Variants in LMOD1 observed in about 807,000 individuals in gnomAD.
LMOD1 encodes the protein leiomodin-1.
In LMOD1, 8 loss-of-function variants were observed where a neutral mutation model predicts 36.5. That is an observed-to-expected ratio of 0.22 (90% CI 0.13 to 0.40). The LOEUF is 0.40. Among genes scored for constraint, LMOD1 ranks in the 10% least tolerant of loss-of-function variants. LMOD1 has a pLI of 1.00. For synonymous variants in LMOD1, 284 were observed against 288.7 expected (o/e 0.98, Z 0.17); for missense variants, 630 against 751.1 (o/e 0.84, Z 1.88).
At chr1:201,938,643 A>T (rs1682061400) in intron 1 of LMOD1, among the ~76,000 whole-genome samples, 1 of 152,194 alleles carries the variant, frequency 6.6e-6, no homozygotes, top group Non-Finnish European at 1.5e-5. Context: ...TGCCAGTCTC[A>T]GGGACAGGGG....
At chr1:201,909,859 C>T (rs1558236569) in intron 1 of LMOD1, among the ~76,000 whole-genome samples, 1 of 152,204 alleles carries the variant, frequency 6.6e-6, no homozygotes, top group Non-Finnish European at 1.5e-5. Context: ...AAGCAGGATT[C>T]AAGTTCAGGT....
chr1:201,928,029 A>G (rs1411545382), intron 1 of LMOD1, among the ~76,000 whole-genome samples: 1 of 152,152 alleles, frequency 6.6e-6, no homozygotes, highest in African/African-American at 2.4e-5. Context: ...GTTTGTTATA[A>G]AAGGACAATT....
rs1054231978 is a variant in LMOD1 at position 201,897,705 on chromosome 1, A to C, written c.*667T>G. 3 of 152,802 alleles carry C rather than the reference A, an allele frequency of 2.0e-5. No individual in the cohort carries two copies. The highest frequency in any genetic ancestry group is 7.2e-5 in the African/African-American group (3 of 41,478). The allele number at this position is 152,802 out of a possible 1,614,324, so 9.5% of individuals were successfully genotyped here. A position where few individuals can be genotyped will look rare whatever the true frequency, so the allele number is the denominator to read the frequency against. On this transcript the variant is annotated 3_prime_UTR_variant, in exon 3 of 3. Coordinates refer to ENST00000367288, the MANE Select transcript of LMOD1 (RefSeq NM_012134.3). ...ACAGATACACAGCTATTCATACAGCAGCAGGTGGGTGTGAGGAAAATGTCT... is the reference window on the plus strand; with the variant it reads ...ACAGATACACAGCTATTCATACAGCCGCAGGTGGGTGTGAGGAAAATGTCT...
chr1:201,906,479 G>A (rs992729114), intron 1 of LMOD1, among the ~76,000 whole-genome samples: 2 of 152,134 alleles, frequency 1.3e-5, no homozygotes, highest in African/African-American at 4.8e-5. Context: ...ACCAGGCACT[G>A]CAGCTGCCAG....
intron 1 of LMOD1, among the ~76,000 whole-genome samples, chr1:201,940,183 C>CTTTTTTTTTTTTTTTTTTT (rs34390949): frequency 8.1e-6 from 1 of 123,406 alleles, no homozygotes; most frequent in Non-Finnish European, 1.7e-5. Context: ...CAGCCAAGCT[C>CTTTTTTTTTTTTTTTTTTT]TTTTTTTTTT....
At position 201,900,406 on chromosome 1, in the gene LMOD1, C is replaced by G. The variant is rs375724138; in HGVS notation, c.607G>C (p.Asp203His). The G allele has an allele frequency of 6.8e-5, 107 of 1,567,592 alleles. No homozygotes were observed. In the African/African-American group the frequency reaches 1.4e-3, roughly 21 times the overall value. ...GSDRNTGLSR[D>H]KDKKREEMKE... ...ATCTCCTCTCTCTTTTTATCCTTGT[C>G]CCTGCTCAAGCCTGTGTTCCTGTCA... The change falls in exon 2 of 3, where the codon GAC becomes CAC. Residue 203 changes from aspartate (D) to histidine (H), a missense_variant. Physicochemically the swap from Asp to His is moderately conservative, Grantham distance 81 (BLOSUM62 -1). This residue lies in a region of LMOD1 where 405 missense variants were observed against 400.6 expected (regional missense o/e 1.01). Transcript: ENST00000367288.
intron 1 of LMOD1, among the ~76,000 whole-genome samples, chr1:201,945,822 C>T (rs1289440875): frequency 6.6e-6 from 1 of 152,208 alleles, no homozygotes; most frequent in Non-Finnish European, 1.5e-5. Flanking sequence ...CACCTTCCAG[C>T]TCCCATTCTA....
chr1:201,918,548 T>C (rs1681646464), intron 1 of LMOD1, among the ~76,000 whole-genome samples: 1 of 152,228 alleles, frequency 6.6e-6, no homozygotes, highest in Admixed American at 6.5e-5. Context: ...CTGGGCTCTC[T>C]TGGGTCTTGC....
chr1:201,932,210 G>C (rs1681935525), intron 1 of LMOD1, among the ~76,000 whole-genome samples: 2 of 152,176 alleles, frequency 1.3e-5, no homozygotes, highest in Admixed American at 1.3e-4. Context: ...TACAAGTAAA[G>C]CCTGAAAATT....
chr1:201,931,094 G>A (rs1035003903), intron 1 of LMOD1, among the ~76,000 whole-genome samples: 3 of 152,110 alleles, frequency 2.0e-5, no homozygotes, highest in African/African-American at 4.8e-5. Flanking sequence ...GAATTGGGGA[G>A]AAAGAGCCAG....
chr1:201,904,611 C>A (rs1048530767), intron 1 of LMOD1, among the ~76,000 whole-genome samples: 1 of 152,218 alleles, frequency 6.6e-6, no homozygotes, highest in Non-Finnish European at 1.5e-5. Flanking sequence ...CCTCCCCTAC[C>A]CTGGGGTCCT....
At chr1:201,929,080 C>CTTTA (rs201355809) in intron 1 of LMOD1, among the ~76,000 whole-genome samples, 3,503 of 148,010 alleles carry the variant, frequency 0.024, 63 homozygotes, top group East Asian at 0.045. Flanking sequence ...CATAGGTGGA[C>CTTTA]TTTATTTATT....
At chr1:201,909,148 C>T (rs1229655180) in intron 1 of LMOD1, among the ~76,000 whole-genome samples, 1 of 152,164 alleles carries the variant, frequency 6.6e-6, no homozygotes, top group Non-Finnish European at 1.5e-5. Flanking sequence ...CTGCAGGCAT[C>T]CCAGATGCCC....
At position 201,940,672 on chromosome 1, in the gene LMOD1, G is replaced by A. The variant is rs1191144196; in HGVS notation, c.261+5408C>T. On this transcript the variant is annotated intron_variant, in intron 1 of 2. Transcript: ENST00000367288. ...TCGATCTCAGCTCACTGCAACCTCC[G>A]CCTCCCGGGTCAAGTGATTCTCCTG... is the stretch of plus-strand genomic sequence containing the variant. Among the ~76,000 whole-genome samples, 15 of 142,622 alleles carry A rather than the reference G, an allele frequency of 1.1e-4. 1 individual carries two copies. The highest frequency in any genetic ancestry group is 3.7e-4 in the African/African-American group (14 of 38,066). 93.6% of individuals were successfully genotyped at this position (142,622 alleles called of 152,430 possible).
intron 1 of LMOD1, among the ~76,000 whole-genome samples, chr1:201,927,118 T>C (rs1383872124): frequency 6.6e-6 from 1 of 152,178 alleles, no homozygotes; most frequent in African/African-American, 2.4e-5. Flanking sequence ...TTTAGAAATA[T>C]CATGTCTGTG....
chr1:201,925,084 G>A (rs1299923783), intron 1 of LMOD1, among the ~76,000 whole-genome samples: 2 of 151,982 alleles, frequency 1.3e-5, no homozygotes, highest in African/African-American at 2.4e-5. Flanking sequence ...GCATGGTGGC[G>A]CCCACCTGTA....
rs376920710 is a variant in LMOD1 at position 201,900,546 on chromosome 1, C to T, written c.467G>A (p.Arg156Gln). The change falls in exon 2 of 3, where the codon CGG (arginine) becomes CAG (glutamine). Residue 156 changes from arginine to glutamine, a missense_variant. Around this residue, in one of 3 missense-constraint regions of LMOD1, gnomAD observed 405 missense variants for 400.6 expected, o/e 1.01. Coordinates refer to ENST00000367288, the MANE Select transcript of LMOD1 (RefSeq NM_012134.3). ...GEKPKEEKII[R>Q]GIDKGRVRAA... ...CCTGACCCGGCCCTTGTCAATGCCC[C>T]GGATGATCTTCTCCTCCTTGGGCTT... 3.7e-6 allele frequency: 6 copies of T among 1,613,866 alleles called. No homozygotes were observed. Among genetic ancestry groups the T allele is most frequent in the African/African-American group, 2.7e-5 (2 of 75,002 alleles).
At chr1:201,912,397 C>G (rs926951655) in intron 1 of LMOD1, among the ~76,000 whole-genome samples, 1 of 152,002 alleles carries the variant, frequency 6.6e-6, no homozygotes, top group African/African-American at 2.4e-5. Flanking sequence ...TCCCCCACAG[C>G]TCCCTTCACT....
At chr1:201,901,605 TATATACAC>T (rs1341385802) in intron 1 of LMOD1, among the ~76,000 whole-genome samples, 1 of 44,702 alleles carries the variant, frequency 2.2e-5, no homozygotes, top group Admixed American at 2.5e-4. Context: ...TGTATATATA[TATATACAC>T]ATATATATGT....
Sources: allele counts gnomAD v4.1 joint callset (sites outside exome capture counted in the v4.1 genomes callset), GRCh38; gene constraint gnomAD v4.1.1; regional missense constraint gnomAD v4.1.1; transcripts MANE v1.5; gene names NCBI Gene and HGNC (gene_info 2026-07-23, HGNC 2026-07-21).